Variants in EYA2 observed in about 807,000 individuals in gnomAD.
The protein encoded by EYA2 is EYA transcriptional coactivator and phosphatase 2.
In EYA2, 31 loss-of-function variants were observed where a neutral mutation model predicts 69.2. The ratio of observed to expected loss-of-function variants is 0.45; its 90% CI spans 0.34 to 0.60. The LOEUF (loss-of-function observed/expected upper bound fraction) is 0.60, where lower values mean the gene tolerates loss of function less well. EYA2 is among the 20% of genes least tolerant of loss of function. The pLI is 0.02. For synonymous variants in EYA2, 257 were observed against 279.4 expected (o/e 0.92, Z 0.80); for missense variants, 622 against 701.2 (o/e 0.89, Z 1.28).
At chr20:46,945,398 A>G (rs975083231) in intron 1 of EYA2, among the ~76,000 whole-genome samples, 2 of 152,194 alleles carry the variant, frequency 1.3e-5, no homozygotes, top group Non-Finnish European at 2.9e-5. Flanking sequence ...AACCAGCTCT[A>G]AAACATCTCA....
chr20:47,138,135 A>G (rs1338620771), intron 9 of EYA2, among the ~76,000 whole-genome samples: 1 of 151,812 alleles, frequency 6.6e-6, no homozygotes, highest in African/African-American at 2.4e-5. Context: ...AACTTAAAGT[A>G]TAATAATAAT....
At chr20:46,977,896 T>C (rs1356530710) in intron 1 of EYA2, among the ~76,000 whole-genome samples, 1 of 152,192 alleles carries the variant, frequency 6.6e-6, no homozygotes, top group East Asian at 1.9e-4. Context: ...TGTGGAGTTC[T>C]TCCCCAAAGT....
intron 1 of EYA2, among the ~76,000 whole-genome samples, chr20:46,989,137 A>C (rs141687682): frequency 8.8e-4 from 134 of 152,284 alleles, no homozygotes; most frequent in African/African-American, 3.1e-3. Flanking sequence ...TATAAAAATC[A>C]TGGGTGATTC....
chr20:46,978,724 CA>C, intron 1 of EYA2: 3 of 532,958 alleles, frequency 5.6e-6, no homozygotes, highest in Non-Finnish European at 1.2e-5. Flanking sequence ...GGGAGGTGGG[CA>C]GGGGGGCTGC....
intron 1 of EYA2, among the ~76,000 whole-genome samples, chr20:46,967,745 C>G (rs571782836): frequency 1.3e-5 from 2 of 152,110 alleles, no homozygotes; most frequent in Non-Finnish European, 2.9e-5. Flanking sequence ...TCACATGGCT[C>G]CTGGTGCACA....
intron 1 of EYA2, among the ~76,000 whole-genome samples, chr20:46,900,932 G>T (rs2236519): frequency 6.6e-6 from 1 of 152,178 alleles, no homozygotes; most frequent in African/African-American, 2.4e-5. Flanking sequence ...TAGGTCATGC[G>T]CTTGAAGTGC....
At chr20:47,176,159 AACCTCT>A (rs2034423842) in intron 12 of EYA2, among the ~76,000 whole-genome samples, 1 of 146,478 alleles carries the variant, frequency 6.8e-6, no homozygotes, top group Non-Finnish European at 1.5e-5. Context: ...GGCTCACTGC[AACCTCT>A]ACCTCCCAGG....
intron 1 of EYA2, among the ~76,000 whole-genome samples, chr20:46,921,196 A>G (rs1985162274): frequency 6.6e-6 from 1 of 152,248 alleles, no homozygotes. Context: ...GGAGCCAGCA[A>G]TGCGCCGGCC....
intron 1 of EYA2, among the ~76,000 whole-genome samples, chr20:46,988,787 C>T (rs1289311396): frequency 6.6e-6 from 1 of 152,188 alleles, no homozygotes; most frequent in African/African-American, 2.4e-5. Context: ...CTGCACCTTC[C>T]ATCTACCCTG....
chr20:47,109,906 CG>C (rs1473300746), intron 9 of EYA2, among the ~76,000 whole-genome samples: 9 of 152,094 alleles, frequency 5.9e-5, no homozygotes, highest in Admixed American at 2.6e-4. Context: ...TTGGGCCCTC[CG>C]GGTCCATAGT....
chr20:46,963,648 A>T (rs1979612756), intron 1 of EYA2, among the ~76,000 whole-genome samples: 1 of 152,222 alleles, frequency 6.6e-6, no homozygotes, highest in African/African-American at 2.4e-5. Context: ...ATTTGGTCTG[A>T]AGTGGAGCCT....
chr20:47,180,768 C>CCT (rs756442532), intron 13 of EYA2, 47 bp from the exon 14 acceptor site: 1 of 1,601,060 alleles, frequency 6.2e-7, no homozygotes, highest in Non-Finnish European at 8.5e-7. Flanking sequence ...GGAGGCCTGG[C>CCT]CTTGTGGTCC....
At chr20:47,087,162 A>T (rs1199455807) in intron 7 of EYA2, among the ~76,000 whole-genome samples, 6 of 152,302 alleles carry the variant, frequency 3.9e-5, no homozygotes, top group African/African-American at 1.2e-4. Context: ...TTATGTCCTT[A>T]GTCTGTTAAG....
chr20:47,132,685 A>G (rs147558411), intron 9 of EYA2, among the ~76,000 whole-genome samples: 14 of 152,306 alleles, frequency 9.2e-5, no homozygotes, highest in African/African-American at 1.2e-4. Context: ...ATTCTTGTCT[A>G]TGGCCACATT....
At chr20:46,980,155 G>A (rs1382061032) in intron 1 of EYA2, among the ~76,000 whole-genome samples, 1 of 152,154 alleles carries the variant, frequency 6.6e-6, no homozygotes, top group African/African-American at 2.4e-5. Flanking sequence ...TGAGAATCCT[G>A]ACTCTACCAC....
At chr20:46,971,080 T>TACACACAC (rs148380754) in intron 1 of EYA2, among the ~76,000 whole-genome samples, 1,714 of 147,250 alleles carry the variant, frequency 0.012, 17 homozygotes, top group Middle Eastern at 0.024. Context: ...ATAAAGTTGC[T>TACACACAC]ACACACACAC....
intron 6 of EYA2, among the ~76,000 whole-genome samples, chr20:47,073,241 G>A (rs1307121510): frequency 2.6e-5 from 4 of 152,146 alleles, no homozygotes; most frequent in East Asian, 3.8e-4. Flanking sequence ...GTGATAGTGC[G>A]GCAGGATATT....
chr20:47,089,526 G>T lies in EYA2; in HGVS notation c.804+145G>T, dbSNP rs544477658. On this transcript the variant is annotated intron_variant, in intron 8 of 15. Transcript: ENST00000327619. ...AGCATGAGCAGGGAAGCATGAGGTT[G>T]TCCAAGCAGGTAGTCCTGGGGCCAG... 1.7e-5 allele frequency: 16 copies of T among 932,404 alleles called. No homozygotes were observed. The South Asian group carries it at 2.5e-4, about 14-fold the overall frequency. 57.8% of individuals were successfully genotyped at this position (932,404 alleles called of 1,614,324 possible).
At chr20:47,089,117 T>G in intron 7 of EYA2, 122 bp from the exon 8 acceptor site, 1 of 1,161,864 alleles carries the variant, frequency 8.6e-7, no homozygotes, top group Non-Finnish European at 1.2e-6. Context: ...TACGAGATCT[T>G]TGCCTCTGGT....
Sources: gnomAD v4.1 joint callset for allele counts (sites outside exome capture counted in the v4.1 genomes callset) on GRCh38, gnomAD v4.1.1 for gene constraint, MANE v1.5 for transcripts, NCBI Gene and HGNC (gene_info 2026-07-23, HGNC 2026-07-21) for gene names.